The following PDE1C variants were observed in gnomAD, a reference collection of about 807,000 sequenced individuals.
PDE1C encodes phosphodiesterase 1C, also known as dual specificity calcium/calmodulin-dependent 3',5'-cyclic nucleotide phosphodiesterase 1C.
A neutral mutation model predicts 93.1 loss-of-function variants in PDE1C; 62 were observed. The ratio of observed to expected loss-of-function variants is 0.67; its 90% CI spans 0.54 to 0.82. The LOEUF (loss-of-function observed/expected upper bound fraction) is 0.82. Ranked by LOEUF, PDE1C falls within the 40% of genes least tolerant of loss-of-function variation. The pLI is 0.00. For synonymous variants in PDE1C, 325 were observed against 310.1 expected, an observed-to-expected ratio of 1.05 and a Z score of -0.50; for missense variants, 742 against 884.6, an observed-to-expected ratio of 0.84 and a Z score of 2.04.
intron 1 of PDE1C, among the ~76,000 whole-genome samples, chr7:32,330,813 A>G (rs1052521679): frequency 1.3e-5 from 2 of 152,108 alleles, no homozygotes; most frequent in African/African-American, 2.4e-5. Flanking sequence ...TAAAAACACT[A>G]TGGGTGGGAC....
chr7:32,336,982 C>T lies in PDE1C; in HGVS notation c.310+90840G>A, dbSNP rs574150790. Among the ~76,000 whole-genome samples, 8 of 152,316 alleles carry T rather than the reference C, an allele frequency of 5.3e-5. No homozygotes were observed. The South Asian group carries it at 1.7e-3, about 32-fold the overall frequency. On this transcript the variant is annotated intron_variant, in intron 1 of 1. Transcript: ENST00000672256. ...TCTACACAGGTCCTGAGTCATCTTA[C>T]ACCCCGCCCTCCCTCATCCCCAGAC...
intron 1 of PDE1C, among the ~76,000 whole-genome samples, chr7:32,064,127 T>C (rs867876420): frequency 4.0e-4 from 61 of 152,196 alleles, no homozygotes; most frequent in African/African-American, 1.4e-3. Flanking sequence ...CTGGTAAGAT[T>C]CAGGTCAATG....
intron 2 of PDE1C, among the ~76,000 whole-genome samples, chr7:31,963,869 G>A (rs1432696175): frequency 6.6e-6 from 1 of 152,208 alleles, no homozygotes; most frequent in Admixed American, 6.5e-5. Context: ...TGGTTGGGAG[G>A]CTGGGAGTCA....
intron 3 of PDE1C, among the ~76,000 whole-genome samples, chr7:32,133,499 C>T (rs2128773610): frequency 6.6e-6 from 1 of 152,258 alleles, no homozygotes; most frequent in Non-Finnish European, 1.5e-5. Context: ...AATCCTGGGG[C>T]ATCCACTGCT....
chr7:32,119,419 C>T lies in PDE1C; in HGVS notation c.308+50366G>A, dbSNP rs1300284280. ...GGAAATGTCCTAGTTTCCATAATAG[C>T]CTGAAACTAAATTACAGCAAGGCTG... On this transcript the variant is annotated intron_variant, in intron 3 of 18. Transcript: ENST00000396193. Among the ~76,000 whole-genome samples, 4 of 152,144 alleles carry T rather than the reference C, an allele frequency of 2.6e-5. No homozygotes were observed. The East Asian group carries it at 5.8e-4, about 22-fold the overall frequency.
intron 3 of PDE1C, among the ~76,000 whole-genome samples, chr7:32,135,474 C>T (rs1304529267): frequency 6.6e-6 from 1 of 152,078 alleles, no homozygotes; most frequent in Non-Finnish European, 1.5e-5. Flanking sequence ...CCTGAATAGG[C>T]ATTTTTCCAA....
chr7:31,907,181 A>C (rs1800710085), intron 2 of PDE1C, among the ~76,000 whole-genome samples: 1 of 151,970 alleles, frequency 6.6e-6, no homozygotes, highest in South Asian at 2.1e-4. Context: ...TTCCTTGTTC[A>C]AGGATGCCGA....
chr7:31,808,126 C>A (rs1054400859), intron 16 of PDE1C: 34 of 428,780 alleles, frequency 7.9e-5, no homozygotes, highest in Non-Finnish European at 9.3e-5. Flanking sequence ...CAAAGAATTA[C>A]GTTCCAATTT....
intron 16 of PDE1C, among the ~76,000 whole-genome samples, chr7:31,794,021 TAG>T (rs1784901873): frequency 1.3e-4 from 16 of 125,668 alleles, no homozygotes; most frequent in African/African-American, 3.0e-4. Flanking sequence ...GATAGATAGA[TAG>T]ATAGATAGAT....
In PDE1C at chr7:32,065,505, T is replaced by C. The variant is rs76492547; in HGVS notation, c.101+4788A>G. On this transcript the variant is annotated intron_variant, in intron 1 of 17. Transcript: ENST00000396191. ...TCCTTCGCATCCCCCTGGAACTATATTCATCACCTCCAGGTACTCATATCA... is the reference window on the plus strand; with the variant it reads ...TCCTTCGCATCCCCCTGGAACTATACTCATCACCTCCAGGTACTCATATCA... 4.2e-3 allele frequency among the ~76,000 whole-genome samples: 641 copies of C among 152,312 alleles called. 7 individuals are homozygous for C. The highest frequency in any genetic ancestry group is 0.015 in the African/African-American group (616 of 41,558).
chr7:31,805,405 C>T (rs1186019811), intron 16 of PDE1C, among the ~76,000 whole-genome samples: 2 of 151,914 alleles, frequency 1.3e-5, no homozygotes, highest in East Asian at 2.0e-4. Context: ...GTGAAACTGA[C>T]AATAAGGGAG....
chr7:32,167,963 T>C (rs1381209993), intron 3 of PDE1C, among the ~76,000 whole-genome samples: 1 of 152,170 alleles, frequency 6.6e-6, no homozygotes, highest in East Asian at 1.9e-4. Context: ...TCACAGCTGA[T>C]CATGCCACCA....
At chr7:31,873,534 C>A (rs995234371) in intron 5 of PDE1C, 126 bp from the exon 6 acceptor site, 2 of 636,774 alleles carry the variant, frequency 3.1e-6, no homozygotes, top group South Asian at 4.1e-5. Context: ...CTCAAACAGA[C>A]TTTCCACTCT....
chr7:31,902,412 A>G (rs574665684), intron 2 of PDE1C, among the ~76,000 whole-genome samples: 1 of 151,978 alleles, frequency 6.6e-6, no homozygotes, highest in Non-Finnish European at 1.5e-5. Flanking sequence ...AAACAATAGT[A>G]AAACTCTGTG....
At chr7:31,845,739 C>G in intron 9 of PDE1C, among the ~76,000 whole-genome samples, 1 of 151,852 alleles carries the variant, frequency 6.6e-6, no homozygotes, top group Non-Finnish European at 1.5e-5. Context: ...GCCTGTAATC[C>G]CAGCACTTTG....
chr7:31,780,380 G>A (rs10257561), intron 16 of PDE1C, among the ~76,000 whole-genome samples: 117,179 of 152,134 alleles, frequency 0.77, 46,625 homozygotes, highest in Non-Finnish European at 0.88. Context: ...CCAGTTTATG[G>A]CATAATGCTA....
At chr7:31,835,785 G>C (rs1791016953) in intron 11 of PDE1C, among the ~76,000 whole-genome samples, 1 of 151,800 alleles carries the variant, frequency 6.6e-6, no homozygotes. Context: ...TTTGTTTAAT[G>C]TGCTGTTAAC....
chr7:31,727,487 C>A, the PDE1C span, among the ~76,000 whole-genome samples: 1 of 152,174 alleles, frequency 6.6e-6, no homozygotes, highest in Admixed American at 6.5e-5. Context: ...CACCTTCTTA[C>A]ATAAATATTT....
intron 1 of PDE1C, among the ~76,000 whole-genome samples, chr7:32,410,784 G>A (rs937622171): frequency 1.4e-4 from 22 of 152,274 alleles, no homozygotes; most frequent in African/African-American, 5.1e-4. Context: ...TCCTTCTCCA[G>A]GTTCCAGCTC....
Sources: gnomAD v4.1 joint callset for allele counts (sites outside exome capture counted in the v4.1 genomes callset) on GRCh38, gnomAD v4.1.1 for gene constraint, MANE v1.5 for transcripts, NCBI Gene and HGNC (gene_info 2026-07-23, HGNC 2026-07-21) for gene names.